Variants in ABCB5 observed in about 807,000 individuals in gnomAD.
The protein encoded by ABCB5 is ATP-binding cassette sub-family B member 5.
In ABCB5, 155 loss-of-function variants were observed where a neutral mutation model predicts 144.2. The ratio of observed to expected loss-of-function variants is 1.08; its 90% CI spans 0.94 to 1.23. ABCB5 has a LOEUF of 1.23. Ranked by LOEUF, ABCB5 falls within the 50% of genes most tolerant of loss-of-function variation. ABCB5 has a pLI of 0.00. For missense variants in ABCB5, 1,830 were observed against 1,520.8 expected (o/e 1.20, Z -3.38); for synonymous variants, 610 against 528.6 (o/e 1.15, Z -2.11).
intron 14 of ABCB5, among the ~76,000 whole-genome samples, chr7:20,678,639 C>CAA (rs556531321): frequency 2.0e-5 from 2 of 99,814 alleles, no homozygotes; most frequent in African/African-American, 7.4e-5. Flanking sequence ...AAAACAAAAA[C>CAA]AAAAAAAAAC....
intron 1 of ABCB5, among the ~76,000 whole-genome samples, chr7:20,620,937 C>G (rs1381496038): frequency 1.3e-5 from 2 of 152,198 alleles, no homozygotes; most frequent in East Asian, 1.9e-4. Flanking sequence ...ACAAATACTT[C>G]TATGCCAATG....
intron 5 of ABCB5, among the ~76,000 whole-genome samples, chr7:20,637,152 AT>A (rs1244568908): frequency 2.6e-5 from 4 of 152,156 alleles, no homozygotes; most frequent in African/African-American, 4.8e-5. Context: ...GATTTGCATA[AT>A]TTTTTGAGTA....
At chr7:20,731,823 TCTC>T (rs1188964524) in intron 23 of ABCB5, among the ~76,000 whole-genome samples, 1 of 152,032 alleles carries the variant, frequency 6.6e-6, no homozygotes, top group Non-Finnish European at 1.5e-5. Context: ...CCAAAATTCT[TCTC>T]ATCCTCTTCA....
chr7:20,641,736 A>AAT (rs745523791), intron 5 of ABCB5: 1 of 152,528 alleles, frequency 6.6e-6, no homozygotes, highest in Non-Finnish European at 1.5e-5. Flanking sequence ...AAAGGTACTT[A>AAT]ATTCAAGGTG....
chr7:20,650,128 A>G lies in ABCB5; in HGVS notation c.1313A>G (p.Tyr438Cys), dbSNP rs766057874. The change falls in exon 12 of 28, where the codon TAT becomes TGT. Residue 438 changes from tyrosine to cysteine, a missense_variant. By Grantham distance (194) the Tyr-to-Cys change is radical. Transcript: ENST00000404938. ...GTAGTCCAGCTTCTGCAGAGGTTATATGATCCGGATGATGGCTTTGTAAGT... is the reference window on the plus strand; with the variant it reads ...GTAGTCCAGCTTCTGCAGAGGTTATGTGATCCGGATGATGGCTTTGTAAGT... ...STVVQLLQRL[Y>C]DPDDGFIMVD... is the part of the protein sequence containing the mutation. 1.9e-6 allele frequency: 3 copies of G among 1,613,500 alleles called. No homozygotes were observed. The highest frequency in any genetic ancestry group is 2.2e-5 in the East Asian group (1 of 44,862).
At chr7:20,622,416 C>G (rs1249571405) in intron 1 of ABCB5, among the ~76,000 whole-genome samples, 1 of 152,064 alleles carries the variant, frequency 6.6e-6, no homozygotes, top group Non-Finnish European at 1.5e-5. Context: ...ATTATGCCTT[C>G]CTCCTTGGTG....
chr7:20,698,588 A>G, intron 17 of ABCB5, 38 bp downstream of exon 17: 1 of 1,548,052 alleles, frequency 6.5e-7, no homozygotes, highest in Non-Finnish European at 8.7e-7. Flanking sequence ...TCAGCAATTT[A>G]AAGAAAGTAT....
intron 23 of ABCB5, among the ~76,000 whole-genome samples, chr7:20,734,242 G>A (rs1782313664): frequency 6.6e-6 from 1 of 151,824 alleles, no homozygotes; most frequent in South Asian, 2.1e-4. Flanking sequence ...AATCTAGGAT[G>A]ACAGACAGCT....
At chr7:20,702,879 T>C (rs553314830) in intron 19 of ABCB5, among the ~76,000 whole-genome samples, 5 of 149,402 alleles carry the variant, frequency 3.3e-5, no homozygotes, top group Admixed American at 1.4e-4. Flanking sequence ...GATTTCACCA[T>C]GTTAGCCAAG....
chr7:20,750,949 A>C (rs1285533497), intron 26 of ABCB5, among the ~76,000 whole-genome samples: 1 of 152,104 alleles, frequency 6.6e-6, no homozygotes, highest in African/African-American at 2.4e-5. Context: ...GTTCTCTACT[A>C]ATCTTCACAG....
intron 27 of ABCB5, 75 bp from the exon 28 acceptor site, chr7:20,755,352 C>G (rs1055806283): frequency 7.4e-7 from 1 of 1,351,698 alleles, no homozygotes; most frequent in Admixed American, 1.9e-5. Flanking sequence ...ATTAGACTAC[C>G]TTAATTGATT....
intron 4 of ABCB5, among the ~76,000 whole-genome samples, chr7:20,630,918 T>C (rs1212825427): frequency 1.3e-5 from 2 of 152,194 alleles, no homozygotes; most frequent in East Asian, 3.8e-4. Flanking sequence ...TATAGAGAAG[T>C]TCAATAATGA....
intron 14 of ABCB5, chr7:20,666,812 G>A (rs745599424): frequency 1.9e-6 from 3 of 1,577,868 alleles, no homozygotes; most frequent in East Asian, 2.3e-5. Context: ...TCTACGTTGA[G>A]GTATCTGGAA....
At chr7:20,642,581 A>G (rs1195387325) in intron 5 of ABCB5, among the ~76,000 whole-genome samples, 3 of 151,940 alleles carry the variant, frequency 2.0e-5, no homozygotes, top group African/African-American at 4.8e-5. Flanking sequence ...AGGACTTATT[A>G]TCTTGCTCAT....
Position 20,711,790 on chromosome 7 carries a change from T to TTCTCTC in ABCB5, c.2421+6986_2421+6987insCTCTCT, listed in dbSNP as rs1334192971. Among the ~76,000 whole-genome samples, 24 of 46,056 alleles carry TTCTCTC rather than the reference T, an allele frequency of 5.2e-4. 2 individuals are homozygous for TTCTCTC. The highest frequency in any genetic ancestry group is 1.9e-3 in the African/African-American group (19 of 9,758). The allele number at this position is 46,056 out of a possible 152,430, so 30.2% of individuals were successfully genotyped here. A position where few individuals can be genotyped will look rare whatever the true frequency, so the allele number is the denominator to read the frequency against. ...CCTTTCCTTCTTTCTCTTTCTTTCT[T>TTCTCTC]TCTTTCTTTCTTTCTTTCTTTCTTT... On this transcript the variant is annotated intron_variant, in intron 20 of 27. Transcript: ENST00000404938.
At chr7:20,730,270 G>A (rs944399290) in intron 23 of ABCB5, among the ~76,000 whole-genome samples, 5 of 152,224 alleles carry the variant, frequency 3.3e-5, no homozygotes, top group Non-Finnish European at 7.3e-5. Context: ...AGCACTTTGG[G>A]AGTCCAAGGC....
intron 14 of ABCB5, among the ~76,000 whole-genome samples, chr7:20,668,933 G>A (rs1174442372): frequency 3.6e-5 from 4 of 110,098 alleles, no homozygotes; most frequent in Non-Finnish European, 3.6e-5. Flanking sequence ...TAGGAAGTGA[G>A]GACCCCTCTG....
intron 16 of ABCB5, among the ~76,000 whole-genome samples, chr7:20,690,467 A>G (rs1408905572): frequency 2.6e-5 from 4 of 152,208 alleles, no homozygotes; most frequent in Non-Finnish European, 5.9e-5. Context: ...AGGATTCCAT[A>G]GACTTCACCA....
intron 15 of ABCB5, among the ~76,000 whole-genome samples, chr7:20,683,366 C>T (rs1785887873): frequency 6.6e-6 from 1 of 152,220 alleles, no homozygotes; most frequent in African/African-American, 2.4e-5. Flanking sequence ...TTTTATTCCA[C>T]AGTAGACCTA....
Sources: allele counts gnomAD v4.1 joint callset (sites outside exome capture counted in the v4.1 genomes callset), GRCh38; gene constraint gnomAD v4.1.1; transcripts MANE v1.5; gene names NCBI Gene and HGNC (gene_info 2026-07-23, HGNC 2026-07-21).